The following CEP112 variants were observed in gnomAD, a reference collection of about 807,000 sequenced individuals.
The protein encoded by CEP112 is centrosomal protein 112.
In CEP112, 127 loss-of-function variants were observed where a neutral mutation model predicts 153.0. The ratio of observed to expected loss-of-function variants is 0.83; its 90% CI spans 0.72 to 0.96. The LOEUF (loss-of-function observed/expected upper bound fraction) is 0.96, where lower values mean the gene tolerates loss of function less well. Ranked by LOEUF, CEP112 falls within the 40% of genes least tolerant of loss-of-function variation. The pLI is 0.00. For synonymous variants in CEP112, 358 were observed against 374.4 expected (o/e 0.96, Z 0.51); for missense variants, 1,089 against 1,101.2 (o/e 0.99, Z 0.16).
chr17:65,675,724 A>T (rs1183881588), intron 24 of CEP112, among the ~76,000 whole-genome samples: 1 of 151,950 alleles, frequency 6.6e-6, no homozygotes, highest in African/African-American at 2.4e-5. Flanking sequence ...TACAGGTTAA[A>T]AAAAAGGGAT....
intron 19 of CEP112, among the ~76,000 whole-genome samples, chr17:65,910,200 T>C (rs2060233906): frequency 6.6e-6 from 1 of 152,186 alleles, no homozygotes; most frequent in Non-Finnish European, 1.5e-5. Flanking sequence ...AAGCTCTTTT[T>C]CTCCATCCCT....
chr17:65,881,022 C>T (rs553711514), intron 20 of CEP112, among the ~76,000 whole-genome samples: 1 of 152,256 alleles, frequency 6.6e-6, no homozygotes, highest in African/African-American at 2.4e-5. Context: ...CCAGACCATC[C>T]TGGCTGACGC....
chr17:65,779,559 C>T (rs1290402616), intron 21 of CEP112, among the ~76,000 whole-genome samples: 3 of 152,090 alleles, frequency 2.0e-5, no homozygotes, highest in Non-Finnish European at 4.4e-5. Flanking sequence ...ATATAAATCC[C>T]AACTCAAGAA....
At chr17:65,752,094 T>A (rs1293078310) in intron 21 of CEP112, among the ~76,000 whole-genome samples, 2 of 151,784 alleles carry the variant, frequency 1.3e-5, no homozygotes, top group African/African-American at 2.4e-5. Context: ...TAACTATCTA[T>A]CTACACATAT....
intron 20 of CEP112, among the ~76,000 whole-genome samples, chr17:65,861,856 G>C (rs185793116): frequency 2.0e-5 from 3 of 152,170 alleles, no homozygotes; most frequent in Non-Finnish European, 2.9e-5. Context: ...AGTTGGACAC[G>C]TTCATAAGCT....
chr17:66,099,767 A>G (rs1029326587), intron 6 of CEP112, among the ~76,000 whole-genome samples: 1 of 152,130 alleles, frequency 6.6e-6, no homozygotes, highest in African/African-American at 2.4e-5. Flanking sequence ...GACCAAAATC[A>G]AAACCTGCCA....
At chr17:65,655,127 T>C (rs1207201782) in intron 24 of CEP112, 4 of 728,520 alleles carry the variant, frequency 5.5e-6, no homozygotes, top group East Asian at 2.7e-5. Context: ...GCCATGGAGA[T>C]GGGAGATAAT....
intron 8 of CEP112, among the ~76,000 whole-genome samples, chr17:66,082,574 C>A (rs1399142977): frequency 6.6e-6 from 1 of 152,048 alleles, no homozygotes; most frequent in African/African-American, 2.4e-5. Flanking sequence ...ACCAGCCTGG[C>A]CAACATGGCA....
intron 4 of CEP112, among the ~76,000 whole-genome samples, chr17:66,145,459 C>T (rs780432135): frequency 1.3e-4 from 19 of 151,986 alleles, no homozygotes; most frequent in South Asian, 2.1e-4. Context: ...CCTGTTCCAA[C>T]GTCACAGAGA....
intron 24 of CEP112, among the ~76,000 whole-genome samples, chr17:65,681,832 C>A (rs1364568414): frequency 6.6e-6 from 1 of 151,444 alleles, no homozygotes; most frequent in African/African-American, 2.4e-5. Context: ...CATCACCACA[C>A]CTGGCTAATA....
At chr17:65,914,478 G>C (rs34767269) in intron 19 of CEP112, among the ~76,000 whole-genome samples, 1 of 151,612 alleles carries the variant, frequency 6.6e-6, no homozygotes, top group African/African-American at 2.4e-5. Flanking sequence ...GGTGGCATTC[G>C]AAAAACAGAA....
intron 17 of CEP112, among the ~76,000 whole-genome samples, chr17:65,980,804 G>A (rs2063200166): frequency 6.6e-6 from 1 of 151,912 alleles, no homozygotes. Flanking sequence ...GGGGGACAGA[G>A]TCTCACTCTG....
intron 6 of CEP112, among the ~76,000 whole-genome samples, chr17:66,120,580 A>G (rs540130910): frequency 6.6e-6 from 1 of 152,240 alleles, no homozygotes; most frequent in African/African-American, 2.4e-5. Context: ...ATCTTAAGTG[A>G]ATTTTTGGTA....
At chr17:65,707,771 T>G (rs1247904326) in intron 23 of CEP112, among the ~76,000 whole-genome samples, 1 of 152,218 alleles carries the variant, frequency 6.6e-6, no homozygotes, top group Non-Finnish European at 1.5e-5. Flanking sequence ...AAAGAAAAAC[T>G]CTTAATATTG....
chr17:65,794,295 T>C (rs565590742), intron 21 of CEP112, among the ~76,000 whole-genome samples: 4 of 152,320 alleles, frequency 2.6e-5, no homozygotes, highest in African/African-American at 9.6e-5. Context: ...AAATATTCAT[T>C]AAAAGAATAG....
chr17:66,069,863 C>A, intron 9 of CEP112, 52 bp downstream of exon 9: 1 of 1,018,568 alleles, frequency 9.8e-7, no homozygotes, highest in Middle Eastern at 2.1e-4. Flanking sequence ...ATCATAAAAC[C>A]TAGAATATTT....
chr17:66,104,523 G>C (rs1400196011), intron 6 of CEP112, among the ~76,000 whole-genome samples: 1 of 152,206 alleles, frequency 6.6e-6, no homozygotes, highest in Non-Finnish European at 1.5e-5. Flanking sequence ...TGTCATGCTA[G>C]CTTCAAGAAT....
At chr17:65,665,560 G>A (rs890979418) in intron 24 of CEP112, among the ~76,000 whole-genome samples, 5 of 152,172 alleles carry the variant, frequency 3.3e-5, no homozygotes, top group Non-Finnish European at 2.9e-5. Context: ...GGAAACATAG[G>A]CTCAGGAACT....
rs76900651 is a variant in CEP112 at position 65,700,775 on chromosome 17, G to C, written c.2608-11557C>G. Among the ~76,000 whole-genome samples, 261 of 152,268 alleles carry C rather than the reference G, an allele frequency of 1.7e-3. 2 individuals are homozygous for C. The highest frequency in any genetic ancestry group is 6.1e-3 in the African/African-American group (254 of 41,546). The stretch of plus-strand genomic sequence containing the variant: ...TGACAGTGTGGAAAATGGTGGCAGG[G>C]AGGCCTGCTGGGGACAGTTAACAGA... On this transcript the variant is annotated intron_variant, in intron 23 of 26. Transcript: ENST00000535342.
Sources: gnomAD v4.1 joint callset for allele counts (sites outside exome capture counted in the v4.1 genomes callset) on GRCh38, gnomAD v4.1.1 for gene constraint, MANE v1.5 for transcripts, NCBI Gene and HGNC (gene_info 2026-07-23, HGNC 2026-07-21) for gene names.